SAMMSON: variants seen among roughly 807,000 people sequenced by gnomAD.
The protein encoded by SAMMSON is survival associated mitochondrial melanoma specific oncogenic non-coding RNA.
At chr3:70,255,318 A>C (rs1476824189) in intron 6 of SAMMSON, among the ~76,000 whole-genome samples, 2 of 152,234 alleles carry the variant, frequency 1.3e-5, no homozygotes, top group Non-Finnish European at 2.9e-5. Context: ...TTTTATAGTC[A>C]GTAAAAGTGC....
chr3:70,179,054 C>T lies in SAMMSON; in HGVS notation n.508-70053C>T, dbSNP rs548777239. On this transcript the variant is annotated intron_variant and non_coding_transcript_variant, in intron 4 of 9. Transcript: ENST00000642114. ...GAAGAACTTTATAACTGATCAGTTT[C>T]ATTTTATATTTTTGCCTCTGGCATC... Among the ~76,000 whole-genome samples, 7 of 152,134 alleles carry T rather than the reference C, an allele frequency of 4.6e-5. No homozygotes were observed. The East Asian group carries it at 1.4e-3, about 29-fold the overall frequency.
In SAMMSON at chr3:70,337,057, AT is replaced by A. The variant is rs1394739614; in HGVS notation, n.740-17116del. Among the ~76,000 whole-genome samples, 4 of 82,818 alleles carry A rather than the reference AT, an allele frequency of 4.8e-5. 1 individual carries two copies. The allele number at this position is 82,818 out of a possible 152,430, so 54.3% of individuals were successfully genotyped here. A position where few individuals can be genotyped will look rare whatever the true frequency, so the allele number is the denominator to read the frequency against. ...TAATATCTAACTTAATATTATTATT[AT>A]TAATAATAATATCTAACTTAATATT... On this transcript the variant is annotated intron_variant and non_coding_transcript_variant, in intron 7 of 9. Coordinates refer to ENST00000642114, the Ensembl canonical transcript of SAMMSON.
At chr3:70,004,283 C>T (rs1243466502) in intron 1 of SAMMSON, among the ~76,000 whole-genome samples, 1 of 152,084 alleles carries the variant, frequency 6.6e-6, no homozygotes, top group Non-Finnish European at 1.5e-5. Context: ...ACGTATAAAA[C>T]ATTCTGTAAA....
intron 4 of SAMMSON, chr3:70,126,480 C>T: frequency 1.5e-6 from 1 of 647,062 alleles, no homozygotes; most frequent in Middle Eastern, 3.2e-4. Flanking sequence ...TTCAGCAAGT[C>T]CTCTTTCTCC....
chr3:70,032,012 T>C (rs2067068016), intron 3 of SAMMSON, among the ~76,000 whole-genome samples: 1 of 152,210 alleles, frequency 6.6e-6, no homozygotes, highest in African/African-American at 2.4e-5. Context: ...GCAATGCACA[T>C]TTTTCCCTAA....
At chr3:70,115,237 A>G (rs1213343115) in intron 4 of SAMMSON, among the ~76,000 whole-genome samples, 2 of 151,522 alleles carry the variant, frequency 1.3e-5, no homozygotes, top group Non-Finnish European at 2.9e-5. Context: ...GAAAGAAAGA[A>G]AAAAAGCAGA....
chr3:70,239,119 A>G (rs1450120217), intron 4 of SAMMSON, among the ~76,000 whole-genome samples: 5 of 152,174 alleles, frequency 3.3e-5, no homozygotes, highest in Non-Finnish European at 7.3e-5. Context: ...TTTCTGCTGA[A>G]CTGGTCTTTC....
chr3:70,235,255 C>T (rs1279532844), intron 4 of SAMMSON, among the ~76,000 whole-genome samples: 1 of 152,208 alleles, frequency 6.6e-6, no homozygotes, highest in East Asian at 1.9e-4. Flanking sequence ...TCTTACTCTA[C>T]TGACTGCTTC....
intron 4 of SAMMSON, chr3:70,072,633 T>C (rs952546262): frequency 4.4e-5 from 1 of 22,530 alleles, no homozygotes; most frequent in Non-Finnish European, 9.9e-5. Context: ...GGGGGGAAAA[T>C]AGAACAGCAA....
chr3:70,305,544 T>A (rs565031772), intron 7 of SAMMSON, among the ~76,000 whole-genome samples: 1 of 152,344 alleles, frequency 6.6e-6, no homozygotes, highest in African/African-American at 2.4e-5. Flanking sequence ...AATAAAGCAC[T>A]TAAGTACATG....
At chr3:70,022,426 CAAAAAAA>C (rs60455629) in intron 3 of SAMMSON, among the ~76,000 whole-genome samples, 101 of 91,118 alleles carry the variant, frequency 1.1e-3, no homozygotes, top group Non-Finnish European at 2.0e-3. Context: ...AGTATAATAA[CAAAAAAA>C]AAAAAAAAAA....
intron 4 of SAMMSON, among the ~76,000 whole-genome samples, chr3:70,100,729 C>G (rs1178053171): frequency 2.6e-5 from 4 of 152,232 alleles, no homozygotes; most frequent in African/African-American, 9.6e-5. Context: ...ATTGGGACAT[C>G]TATTATTTTG....
chr3:70,372,197 C>T (rs570391721), intron 9 of SAMMSON, among the ~76,000 whole-genome samples: 32 of 152,022 alleles, frequency 2.1e-4, no homozygotes, highest in Admixed American at 3.9e-4. Context: ...TGAATTTTAT[C>T]AAATGCTTTT....
chr3:70,200,228 T>G (rs1576152509), intron 4 of SAMMSON, among the ~76,000 whole-genome samples: 1 of 152,286 alleles, frequency 6.6e-6, no homozygotes, highest in Admixed American at 6.5e-5. Context: ...ACACTCTGCT[T>G]CCACATGAGC....
intron 3 of SAMMSON, among the ~76,000 whole-genome samples, chr3:70,029,820 G>T (rs760640142): frequency 1.3e-5 from 2 of 151,572 alleles, no homozygotes; most frequent in African/African-American, 4.9e-5. Flanking sequence ...GGTCCTTTGG[G>T]GTATAATTTT....
At chr3:70,213,144 T>G (rs1701366838) in intron 4 of SAMMSON, among the ~76,000 whole-genome samples, 1 of 152,004 alleles carries the variant, frequency 6.6e-6, no homozygotes, top group East Asian at 1.9e-4. Context: ...CTCTTTATTT[T>G]GTTTTTCTTT....
intron 6 of SAMMSON, among the ~76,000 whole-genome samples, chr3:70,285,828 A>T (rs1702156495): frequency 6.6e-6 from 1 of 152,154 alleles, no homozygotes; most frequent in African/African-American, 2.4e-5. Flanking sequence ...GCATTTAATC[A>T]TGTGTTTTTT....
intron 7 of SAMMSON, among the ~76,000 whole-genome samples, chr3:70,314,896 T>G (rs1702484977): frequency 6.6e-6 from 1 of 152,148 alleles, no homozygotes; most frequent in Non-Finnish European, 1.5e-5. Flanking sequence ...TTTTATATAC[T>G]TGTATCCTTA....
chr3:70,084,711 T>G (rs895997231), intron 4 of SAMMSON: 1 of 152,220 alleles, frequency 6.6e-6, no homozygotes, highest in Non-Finnish European at 1.5e-5. Context: ...GAGACTGACA[T>G]TTTATTACTT....
Sources: allele counts gnomAD v4.1 joint callset (sites outside exome capture counted in the v4.1 genomes callset), GRCh38; gene constraint gnomAD v4.1.1; transcripts MANE v1.5; gene names NCBI Gene and HGNC (gene_info 2026-07-23, HGNC 2026-07-21).